The following ANOS1 variants were observed in gnomAD, a reference collection of about 807,000 sequenced individuals.
The protein encoded by ANOS1 is anosmin 1.
A neutral mutation model predicts 59.0 loss-of-function variants in ANOS1; 6 were observed. The ratio of observed to expected loss-of-function variants is 0.10; its 90% CI spans 0.06 to 0.20. The LOEUF (loss-of-function observed/expected upper bound fraction) is 0.20, where lower values mean the gene tolerates loss of function less well. Among genes scored for constraint, ANOS1 ranks in the 10% least tolerant of loss-of-function variants. ANOS1 has a pLI of 1.00. For missense variants in ANOS1, 433 were observed against 542.3 expected (o/e 0.80, Z 2.00); for synonymous variants, 217 against 223.4 (o/e 0.97, Z 0.25).
intron 6 of ANOS1, among the ~76,000 whole-genome samples, chrX:8,580,329 T>TATTTAAGTAGGCAAATATAAAA (rs201495074): frequency 0.076 from 8,440 of 111,263 alleles, 877 homozygotes; most frequent in African/African-American, 0.26. Flanking sequence ...AGAAATACAG[T>TATTTAAGTAGGCAAATATAAAA]ATTTAAGTAG....
At chrX:8,576,517 C>CACACAT (rs1930329541) in intron 6 of ANOS1, among the ~76,000 whole-genome samples, 3 of 107,689 alleles carry the variant, frequency 2.8e-5, no homozygotes, top group Non-Finnish European at 5.8e-5. Flanking sequence ...CACACACACA[C>CACACAT]ATATATAGAT....
At position 8,594,677 on chromosome X, in the gene ANOS1, T is replaced by C. The variant is rs1056261984; in HGVS notation, c.541+2357A>G. Among the ~76,000 whole-genome samples the C allele has an allele frequency of 1.6e-3, 91 of 58,074 alleles. 4 individuals are homozygous for C. The highest frequency in any genetic ancestry group is 5.9e-3 in the African/African-American group (78 of 13,133). The allele number at this position is 58,074 out of a possible 115,157, so 50.4% of individuals were successfully genotyped here. On this transcript the variant is annotated intron_variant, in intron 4 of 13. Coordinates refer to ENST00000262648, the MANE Select transcript of ANOS1 (RefSeq NM_000216.4). ...ATATGTGTATATATATATATATATA[T>C]ATATATATATATATATATATACACA...
rs142821007 is a variant in ANOS1, at chrX:8,714,986, G to A, written c.208-15241C>T. Among the ~76,000 whole-genome samples the A allele has an allele frequency of 4.1e-3, 461 of 111,996 alleles. 2 individuals are homozygous for A. Among genetic ancestry groups the A allele is most frequent in the African/African-American group, 0.014 (440 of 30,847 alleles). ...ACTTCAAAAGACAGTGTGTTTTAAT[G>A]AGGGATCACTTGAGAAAACATGATT... is the stretch of plus-strand genomic sequence containing the variant. On this transcript the variant is annotated intron_variant, in intron 1 of 13. Transcript: ENST00000262648.
chrX:8,643,907 C>T (rs973900445), intron 2 of ANOS1, among the ~76,000 whole-genome samples: 8 of 111,273 alleles, frequency 7.2e-5, no homozygotes, highest in Admixed American at 3.8e-4. Context: ...GTGCCACCCC[C>T]CCAACCCCGC....
intron 3 of ANOS1, 80 bp downstream of exon 3, chrX:8,623,528 G>A (rs1931334369): frequency 1.5e-6 from 1 of 686,521 alleles, no homozygotes; most frequent in East Asian, 3.2e-5. Context: ...AGAATAAGAA[G>A]GCCCATTCAT....
chrX:8,622,897 T>C (rs954506737), intron 3 of ANOS1, among the ~76,000 whole-genome samples: 5 of 111,831 alleles, frequency 4.5e-5, no homozygotes, highest in Non-Finnish European at 9.4e-5. Flanking sequence ...ATAAGGATGA[T>C]AGAGAGATGA....
chrX:8,641,398 ATTAT>A (rs1433682055), intron 2 of ANOS1, among the ~76,000 whole-genome samples: 4 of 112,344 alleles, frequency 3.6e-5, no homozygotes, highest in Non-Finnish European at 7.5e-5. Context: ...TCATTAAACC[ATTAT>A]TTATTTCTGT....
At chrX:8,598,872 G>A (rs1214043758) in intron 3 of ANOS1, among the ~76,000 whole-genome samples, 2 of 111,916 alleles carry the variant, frequency 1.8e-5, no homozygotes, top group African/African-American at 6.5e-5. Context: ...CTTTTACCTG[G>A]GGGTGGCTAC....
At chrX:8,562,097 T>C (rs1362596694) in intron 8 of ANOS1, among the ~76,000 whole-genome samples, 3 of 109,650 alleles carry the variant, frequency 2.7e-5, no homozygotes, top group Admixed American at 9.8e-5. Context: ...CGCATCACCA[T>C]GGCCGGCTAA....
chrX:8,651,244 C>T (rs1352174355), intron 2 of ANOS1, among the ~76,000 whole-genome samples: 1 of 112,386 alleles, frequency 8.9e-6, no homozygotes, highest in Non-Finnish European at 1.9e-5. Context: ...ACAAAACACA[C>T]CCTGATCAAA....
chrX:8,631,426 G>A lies in ANOS1; in HGVS notation c.256-7756C>T, dbSNP rs188669554. ...ATAGCATGTACATTTACAAGCAAAC[G>A]TCAAAGATACAGATAAAGAGGTACA... On this transcript the variant is annotated intron_variant, in intron 2 of 13. Coordinates refer to ENST00000262648, the MANE Select transcript of ANOS1 (RefSeq NM_000216.4). 4.0e-3 allele frequency among the ~76,000 whole-genome samples: 434 copies of A among 107,453 alleles called. 2 individuals are homozygous for A. Among genetic ancestry groups the A allele is most frequent in the South Asian group, 7.2e-3 (16 of 2,236 alleles). 93.3% of individuals were successfully genotyped at this position (107,453 alleles called of 115,157 possible). A position where few individuals can be genotyped will look rare whatever the true frequency, so the allele number is the denominator to read the frequency against.
chrX:8,545,409 A>T (rs189353862), intron 9 of ANOS1, among the ~76,000 whole-genome samples: 1 of 104,590 alleles, frequency 9.6e-6, no homozygotes, highest in Admixed American at 1.0e-4. Flanking sequence ...GGAAGGAAGG[A>T]AGGCAGGCAG....
At chrX:8,614,610 T>G (rs1408826388) in intron 3 of ANOS1, among the ~76,000 whole-genome samples, 1 of 111,464 alleles carries the variant, frequency 9.0e-6, no homozygotes, top group African/African-American at 3.3e-5. Context: ...ATATATGTAA[T>G]GTGTGTTATC....
intron 12 of ANOS1, 21 bp downstream of exon 12, chrX:8,535,570 A>G (rs1462604457): frequency 5.3e-6 from 6 of 1,132,573 alleles, no homozygotes; most frequent in Non-Finnish European, 1.2e-6. Context: ...ACACAGACAT[A>G]GTACAAGAGG....
intron 2 of ANOS1, among the ~76,000 whole-genome samples, chrX:8,641,851 C>T (rs1931669941): frequency 9.2e-6 from 1 of 108,569 alleles, no homozygotes; most frequent in African/African-American, 3.6e-5. Context: ...ATCCATTCTG[C>T]CGGGTTTTTT....
rs377478797 is a variant in ANOS1 at position 8,570,630 on chromosome X, C to T, written c.931G>A (p.Val311Ile). ...STVNSDGSVT[V>I]TIVWDLPEEP... ...TCGGGGAGATCCCAAACTATAGTGACGGTCACACTCCCATCACTGTTGACG... is the reference window on the plus strand; with the variant it reads ...TCGGGGAGATCCCAAACTATAGTGATGGTCACACTCCCATCACTGTTGACG... Residue 311 changes from valine (V) to isoleucine (I), a missense_variant, in exon 7 of 14, where the codon GTC (valine) becomes ATC (isoleucine). By Grantham distance (29) the Val-to-Ile change is conservative. Transcript: ENST00000262648. 26 of 1,208,960 alleles carry T rather than the reference C, an allele frequency of 2.2e-5. No individual in the cohort carries two copies. The Middle Eastern group carries it at 9.2e-4, about 43-fold the overall frequency.
intron 3 of ANOS1, among the ~76,000 whole-genome samples, chrX:8,600,939 C>G (rs1177675444): frequency 8.9e-6 from 1 of 111,867 alleles, no homozygotes; most frequent in Non-Finnish European, 1.9e-5. Flanking sequence ...GCCTGTAATC[C>G]CAGCACTTTG....
At chrX:8,564,475 T>C in intron 8 of ANOS1, among the ~76,000 whole-genome samples, 1 of 111,830 alleles carries the variant, frequency 8.9e-6, no homozygotes, top group Admixed American at 9.5e-5. Context: ...TGTAGGCAAA[T>C]GAGGGAATAA....
At chrX:8,594,701 C>CAA (rs1555895628) in intron 4 of ANOS1, among the ~76,000 whole-genome samples, 1 of 46,703 alleles carries the variant, frequency 2.1e-5, no homozygotes, top group Non-Finnish European at 3.7e-5. Flanking sequence ...TATATATACA[C>CAA]ATATATATAC....
Sources: allele counts gnomAD v4.1 joint callset (sites outside exome capture counted in the v4.1 genomes callset), GRCh38; gene constraint gnomAD v4.1.1; transcripts MANE v1.5; gene names NCBI Gene and HGNC (gene_info 2026-07-23, HGNC 2026-07-21).